Variants in TYR observed in about 807,000 individuals in gnomAD.
TYR encodes the protein tyrosinase, also known as LB24-AB.
TYR carries 58 observed loss-of-function variants against 51.5 expected under a neutral mutation model. The ratio of observed to expected loss-of-function variants is 1.13; its 90% CI spans 0.91 to 1.40. TYR has a LOEUF of 1.40. Ranked by LOEUF, TYR falls within the 40% of genes most tolerant of loss-of-function variation. TYR has a pLI of 0.00. For missense variants in TYR, 732 were observed against 647.4 expected (o/e 1.13, Z -1.42); for synonymous variants, 263 against 235.2 (o/e 1.12, Z -1.08).
Position 89,177,934 on chromosome 11 carries a change from T to C in TYR, c.-20T>C, listed in dbSNP as rs1404494591. The C allele has an allele frequency of 1.2e-6, 2 of 1,613,082 alleles. No homozygotes were observed. The highest frequency in any genetic ancestry group is 2.2e-5 in the South Asian group (2 of 91,038). On this transcript the variant is annotated 5_prime_UTR_variant, in exon 1 of 5. Transcript: ENST00000263321. ...TCCAATTAGCCAGTTCCTGCAGACCTTGTGAGGACTAGAGGAAGAATGCTC... is the reference window on the plus strand; with the variant it reads ...TCCAATTAGCCAGTTCCTGCAGACCCTGTGAGGACTAGAGGAAGAATGCTC...
intron 4 of TYR, among the ~76,000 whole-genome samples, chr11:89,285,822 C>T (rs1944779073): frequency 2.6e-5 from 4 of 151,804 alleles, no homozygotes; most frequent in African/African-American, 4.8e-5. Context: ...CATCTCACCG[C>T]ACTGTAATTC....
intron 3 of TYR, among the ~76,000 whole-genome samples, chr11:89,243,715 G>C (rs1226062389): frequency 6.6e-6 from 1 of 152,012 alleles, no homozygotes; most frequent in Non-Finnish European, 1.5e-5. Context: ...CTAGCAAACT[G>C]GCTAAGAAAT....
intron 1 of TYR, among the ~76,000 whole-genome samples, chr11:89,179,077 T>C (rs939038917): frequency 1.4e-4 from 22 of 152,222 alleles, no homozygotes; most frequent in Admixed American, 9.2e-4. Context: ...TAGTGCATTA[T>C]GTATTTTGTG....
At chr11:89,215,341 T>G (rs1264738321) in intron 2 of TYR, among the ~76,000 whole-genome samples, 3 of 116,370 alleles carry the variant, frequency 2.6e-5, no homozygotes, top group African/African-American at 3.5e-5. Context: ...TGAGAACACA[T>G]GGACACAGGA....
At chr11:89,241,951 A>C (rs186555765) in intron 3 of TYR, among the ~76,000 whole-genome samples, 1,556 of 151,886 alleles carry the variant, frequency 0.01, 27 homozygotes, top group African/African-American at 0.036. Flanking sequence ...CTTTTCTTTA[A>C]ATGGATACTA....
intron 2 of TYR, among the ~76,000 whole-genome samples, chr11:89,219,681 C>A (rs1477908270): frequency 6.6e-6 from 1 of 152,052 alleles, no homozygotes; most frequent in Non-Finnish European, 1.5e-5. Flanking sequence ...TTGATAAGAA[C>A]AAAAATTGGC....
intron 3 of TYR, among the ~76,000 whole-genome samples, chr11:89,233,683 A>C (rs4512825): frequency 0.38 from 54,103 of 141,056 alleles, 15,788 homozygotes; most frequent in African/African-American, 0.64. Context: ...TTCCTCAGAG[A>C]TTTTGGGTGA....
chr11:89,285,042 G>T, intron 4 of TYR, 88 bp downstream of exon 4: 1 of 1,136,184 alleles, frequency 8.8e-7, no homozygotes, highest in Non-Finnish European at 1.3e-6. Flanking sequence ...CTTCGACAAT[G>T]TTATTCCTGA....
chr11:89,225,780 A>G (rs12792733), intron 2 of TYR, among the ~76,000 whole-genome samples: 25,338 of 151,414 alleles, frequency 0.17, 2,580 homozygotes, highest in African/African-American at 0.29. Flanking sequence ...ATTTGATAGT[A>G]CAGTAGGAAA....
At chr11:89,245,749 G>T (rs545805693) in intron 3 of TYR, among the ~76,000 whole-genome samples, 1 of 151,750 alleles carries the variant, frequency 6.6e-6, no homozygotes, top group Non-Finnish European at 1.5e-5. Context: ...GGTGAAACTC[G>T]GTCTCTACTA....
intron 1 of TYR, among the ~76,000 whole-genome samples, chr11:89,185,744 CTAAT>C (rs1445838871): frequency 6.6e-6 from 1 of 152,064 alleles, no homozygotes; most frequent in African/African-American, 2.4e-5. Flanking sequence ...CTCTCACTAC[CTAAT>C]TACTCTATTT....
chr11:89,241,589 A>C, intron 3 of TYR, among the ~76,000 whole-genome samples: 1 of 151,928 alleles, frequency 6.6e-6, no homozygotes, highest in East Asian at 1.9e-4. Context: ...CTGACACTAT[A>C]CTAGGCAATA....
At chr11:89,264,732 A>G (rs1318401107) in intron 3 of TYR, among the ~76,000 whole-genome samples, 1 of 137,868 alleles carries the variant, frequency 7.3e-6, no homozygotes, top group Non-Finnish European at 1.5e-5. Context: ...AATACTATGC[A>G]GCCAAAAAAA....
intron 2 of TYR, among the ~76,000 whole-genome samples, chr11:89,195,943 G>A (rs1943514089): frequency 6.6e-6 from 1 of 151,990 alleles, no homozygotes; most frequent in South Asian, 2.1e-4. Flanking sequence ...CATGGGGACT[G>A]AAATTTCAAT....
Position 89,224,318 on chromosome 11 carries a change from T to A in TYR, c.1037-3505T>A, listed in dbSNP as rs140709433. 3.0e-3 allele frequency among the ~76,000 whole-genome samples: 454 copies of A among 152,254 alleles called. 1 individual carries two copies. The highest frequency in any genetic ancestry group is 0.01 in the African/African-American group (431 of 41,550). ...CTTTTATACCTGCTATCAAAATTAATCCTTGCCACCAACTGATAAGTGGAC... is the reference window on the plus strand; with the variant it reads ...CTTTTATACCTGCTATCAAAATTAAACCTTGCCACCAACTGATAAGTGGAC... On this transcript the variant is annotated intron_variant, in intron 2 of 4. Transcript: ENST00000263321.
At chr11:89,209,064 C>G (rs1167097669) in intron 2 of TYR, among the ~76,000 whole-genome samples, 3 of 152,130 alleles carry the variant, frequency 2.0e-5, no homozygotes, top group East Asian at 1.9e-4. Context: ...ACTGAGGTAT[C>G]TGATTCATCT....
At chr11:89,294,997 C>CA in intron 4 of TYR, 146 bp from the exon 5 acceptor site, 1 of 1,356,204 alleles carries the variant, frequency 7.4e-7, no homozygotes, top group East Asian at 2.5e-5. Context: ...TTAGGTGTAA[C>CA]TTTCCCAAGC....
At chr11:89,260,960 G>A (rs1418217523) in intron 3 of TYR, among the ~76,000 whole-genome samples, 2 of 152,064 alleles carry the variant, frequency 1.3e-5, no homozygotes, top group African/African-American at 4.8e-5. Flanking sequence ...GGGCATGTGA[G>A]GGATCTAGGT....
intron 3 of TYR, among the ~76,000 whole-genome samples, chr11:89,268,976 G>A (rs571452750): frequency 1.3e-5 from 2 of 152,030 alleles, no homozygotes; most frequent in African/African-American, 4.8e-5. Flanking sequence ...TGCTTCTGCT[G>A]TAATCCCATA....
Sources: allele counts gnomAD v4.1 joint callset (sites outside exome capture counted in the v4.1 genomes callset), GRCh38; gene constraint gnomAD v4.1.1; transcripts MANE v1.5; gene names NCBI Gene and HGNC (gene_info 2026-07-23, HGNC 2026-07-21).